The following PSD3 variants were observed in gnomAD, a reference collection of about 807,000 sequenced individuals.
The protein encoded by PSD3 is pleckstrin and Sec7 domain containing 3, also known as PH and SEC7 domain-containing protein 3.
Under a neutral mutation model 105.5 loss-of-function variants are expected in PSD3, and 49 were observed. The ratio of observed to expected loss-of-function variants is 0.46; its 90% CI spans 0.37 to 0.59. The LOEUF (loss-of-function observed/expected upper bound fraction) is 0.59, where lower values mean the gene tolerates loss of function less well. Ranked by LOEUF, PSD3 falls within the 20% of genes least tolerant of loss-of-function variation. The probability of loss-of-function intolerance (pLI) is 0.00; values close to 1 mark genes in which losing one functional copy is unlikely to be tolerated. For missense variants in PSD3, 1,561 were observed against 1,263.8 expected (o/e 1.24, Z -3.57); for synonymous variants, 557 against 457.8 (o/e 1.22, Z -2.77).
intron 9 of PSD3, among the ~76,000 whole-genome samples, chr8:18,674,330 T>C (rs891746475): frequency 1.1e-4 from 16 of 152,200 alleles, no homozygotes; most frequent in African/African-American, 3.9e-4. Flanking sequence ...GACAGATTGA[T>C]CTATTTCTTT....
intron 8 of PSD3, among the ~76,000 whole-genome samples, chr8:18,772,891 T>C (rs1585919661): frequency 6.6e-6 from 1 of 152,352 alleles, no homozygotes; most frequent in East Asian, 1.9e-4. Flanking sequence ...ATTTGATTTT[T>C]AGATGTGGAA....
At chr8:18,960,685 C>G (rs1823857702) in intron 1 of PSD3, among the ~76,000 whole-genome samples, 1 of 152,050 alleles carries the variant, frequency 6.6e-6, no homozygotes, top group Non-Finnish European at 1.5e-5. Context: ...TAGATCCTAA[C>G]TGAAAAGAAT....
intron 1 of PSD3, chr8:18,940,484 C>T (rs555343454): frequency 1.3e-5 from 2 of 152,166 alleles, no homozygotes; most frequent in East Asian, 1.9e-4. Context: ...AGGGACTGCT[C>T]GACCTAGAAG....
At chr8:18,868,714 G>A (rs1255072235) in intron 3 of PSD3, among the ~76,000 whole-genome samples, 1 of 152,172 alleles carries the variant, frequency 6.6e-6, no homozygotes, top group East Asian at 1.9e-4. Flanking sequence ...ACAGGGTAGG[G>A]CATTCACTTT....
At chr8:18,565,909 T>C (rs1029247356) in intron 14 of PSD3, among the ~76,000 whole-genome samples, 5 of 152,090 alleles carry the variant, frequency 3.3e-5, no homozygotes, top group African/African-American at 1.2e-4. Flanking sequence ...AAGCTGGGGA[T>C]ATCGCTAAAC....
intron 9 of PSD3, among the ~76,000 whole-genome samples, chr8:18,690,260 C>G (rs143718535): frequency 6.6e-6 from 1 of 152,232 alleles, no homozygotes; most frequent in African/African-American, 2.4e-5. Flanking sequence ...TGTCCTTGAC[C>G]TGGCAGGAGT....
chr8:18,982,372 T>G (rs1825288218), intron 1 of PSD3, among the ~76,000 whole-genome samples: 1 of 152,206 alleles, frequency 6.6e-6, no homozygotes, highest in Non-Finnish European at 1.5e-5. Flanking sequence ...CAACTTCTTC[T>G]AAACTCCTGT....
chr8:18,977,444 C>A (rs1158036239), intron 1 of PSD3, among the ~76,000 whole-genome samples: 4 of 152,010 alleles, frequency 2.6e-5, no homozygotes, highest in African/African-American at 9.7e-5. Context: ...ATAAAACAGT[C>A]CCCCTGGCAT....
chr8:19,043,006 A>G (rs1191462270), intron 1 of PSD3, among the ~76,000 whole-genome samples: 1 of 152,084 alleles, frequency 6.6e-6, no homozygotes, highest in Non-Finnish European at 1.5e-5. Context: ...AATTCAACCT[A>G]CCTCCTCTCC....
chr8:18,605,722 G>T (rs535405591), intron 11 of PSD3, among the ~76,000 whole-genome samples: 39 of 152,206 alleles, frequency 2.6e-4, no homozygotes, highest in African/African-American at 7.9e-4. Context: ...CCTGGTGGGA[G>T]GTAATTGGAT....
intron 4 of PSD3, among the ~76,000 whole-genome samples, chr8:18,831,404 T>G (rs1813670758): frequency 6.6e-6 from 1 of 152,206 alleles, no homozygotes; most frequent in Non-Finnish European, 1.5e-5. Context: ...TTAGTTCCAG[T>G]TCTCCAAGGT....
At chr8:19,013,542 C>CGCCCCG in intron 1 of PSD3, 21 bp downstream of exon 1, 1 of 1,572,688 alleles carries the variant, frequency 6.4e-7, no homozygotes, top group Non-Finnish European at 8.6e-7. Flanking sequence ...CCCGCGCCCG[C>CGCCCCG]GCCCCGGCCC....
rs779272088 is a variant in PSD3 at position 18,803,157 on chromosome 8, C to A, written c.1910+1365G>T. The A allele has an allele frequency of 2.9e-5, 7 of 240,804 alleles. No individual in the cohort carries two copies. The Admixed American group carries it at 3.4e-4, about 12-fold the overall frequency. The allele number at this position is 240,804 out of a possible 1,614,324, so 14.9% of individuals were successfully genotyped here. A position where few individuals can be genotyped will look rare whatever the true frequency, so the allele number is the denominator to read the frequency against. On this transcript the variant is annotated intron_variant, in intron 6 of 15. Transcript: ENST00000327040. ...AAATAATTAGCCAGGTGTGGTGGTG[C>A]GTACCTGTAGTCCCAGTTATTCGGG...
In PSD3 at chr8:18,799,690, G is replaced by A. The variant is rs1386694; in HGVS notation, c.2024-337C>T. ...AATTAGTGATCTATACATAGTACAA[G>A]GATATCCAGACAAGCATTGCTTACA... On this transcript the variant is annotated intron_variant, in intron 7 of 15. Coordinates refer to ENST00000327040, the MANE Select transcript of PSD3 (RefSeq NM_015310.4). 8.9e-3 allele frequency among the ~76,000 whole-genome samples: 1,361 copies of A among 152,172 alleles called. 19 individuals are homozygous for A. The highest frequency in any genetic ancestry group is 0.031 in the African/African-American group (1,295 of 41,520).
chr8:18,621,800 T>C (rs1806129730), intron 11 of PSD3, among the ~76,000 whole-genome samples: 1 of 152,196 alleles, frequency 6.6e-6, no homozygotes, highest in Non-Finnish European at 1.5e-5. Context: ...TTAAAGAGTC[T>C]TGCTCTAACA....
intron 4 of PSD3, among the ~76,000 whole-genome samples, chr8:18,818,064 C>T (rs1202298053): frequency 6.6e-6 from 1 of 152,148 alleles, no homozygotes; most frequent in African/African-American, 2.4e-5. Context: ...AGCGATTCTC[C>T]CACCTCAGCC....
intron 15 of PSD3, among the ~76,000 whole-genome samples, chr8:18,546,976 G>C (rs1456700523): frequency 6.6e-6 from 1 of 152,168 alleles, no homozygotes; most frequent in Non-Finnish European, 1.5e-5. Context: ...TGGTTCTGCT[G>C]GCTCAAGAGC....
Position 18,535,660 on chromosome 8 carries a change from TA to T in PSD3, c.*82del. The T allele has an allele frequency of 8.4e-7, 1 of 1,193,270 alleles. No individual in the cohort carries two copies. The highest frequency in any genetic ancestry group is 1.2e-6 in the Non-Finnish European group (1 of 830,880). 73.9% of individuals were successfully genotyped at this position (1,193,270 alleles called of 1,614,324 possible). ...CGTTTTGTCACAGACTTTTTTTTTT[TA>T]AATATATTCACGGATTACCAGAAAG... is the stretch of plus-strand genomic sequence containing the variant. On this transcript the variant is annotated 3_prime_UTR_variant, in exon 16 of 16. Transcript: ENST00000327040.
chr8:19,033,539 CT>C lies in PSD3; in HGVS notation c.324+50666del, dbSNP rs1003048103. 9.6e-4 allele frequency among the ~76,000 whole-genome samples: 142 copies of C among 147,468 alleles called. 1 individual carries two copies. Among genetic ancestry groups the C allele is most frequent in the African/African-American group, 3.0e-3 (120 of 40,454 alleles). On this transcript the variant is annotated intron_variant, in intron 1 of 1. Transcript: ENST00000521475. ...CTTCCTTCCTTCTCTGCTTTGAGCT[CT>C]TTTTTTTTTCTTTTTTTAAAATCTG...
Sources: gnomAD v4.1 joint callset for allele counts (sites outside exome capture counted in the v4.1 genomes callset) on GRCh38, gnomAD v4.1.1 for gene constraint, MANE v1.5 for transcripts, NCBI Gene and HGNC (gene_info 2026-07-23, HGNC 2026-07-21) for gene names.